Variants in FANCA observed in about 807,000 individuals in gnomAD.
FANCA encodes FA complementation group A.
In FANCA, 236 loss-of-function variants were observed where a neutral mutation model predicts 194.3. The ratio of observed to expected loss-of-function variants is 1.21; its 90% CI spans 1.09 to 1.35. The LOEUF (loss-of-function observed/expected upper bound fraction) is 1.35. Among genes scored for constraint, FANCA ranks in the 40% most tolerant of loss-of-function variants. FANCA has a pLI of 0.00. For missense variants in FANCA, 2,628 were observed against 1,813.9 expected (o/e 1.45, Z -8.15); for synonymous variants, 1,014 against 715.8 (o/e 1.42, Z -6.65).
Position 89,795,948 on chromosome 16 carries a change from G to C in FANCA, c.964C>G (p.His322Asp). 6.2e-7 allele frequency: 1 copy of C among 1,614,136 alleles called. No individual in the cohort carries two copies. Among genetic ancestry groups the C allele is most frequent in the Non-Finnish European group, 8.5e-7 (1 of 1,179,968 alleles). The stretch of plus-strand genomic sequence containing the variant: ...TGAGTGAGTATCTGAGTCAGGGTAT[G>C]ACTGAAGAACCTCTTCAGAGGATCT... ...STDPLKRFFSHTLTQILTHSP... is the reference protein window; with the variant it reads ...STDPLKRFFSDTLTQILTHSP... Residue 322 changes from histidine to aspartate, a missense_variant, in exon 11 of 43, where the codon CAT becomes GAT. Transcript: ENST00000389301.
chr16:89,744,860 C>T, intron 36 of FANCA, 99 bp downstream of exon 36: 1 of 1,109,906 alleles, frequency 9.0e-7, no homozygotes, highest in Non-Finnish European at 1.3e-6. Context: ...GCTGCCCACA[C>T]CGCTTCTCTC....
intron 29 of FANCA, among the ~76,000 whole-genome samples, chr16:89,760,280 G>C (rs1448663835): frequency 1.3e-5 from 2 of 152,228 alleles, no homozygotes; most frequent in African/African-American, 2.4e-5. Flanking sequence ...GGCACGACCT[G>C]AACCATCAGC....
chr16:89,761,947 A>AC lies in FANCA; in HGVS notation c.2852+1dup, dbSNP rs1424006580. ...GCCAGGGTAGCTCTTTTCAACACTTACCGTTCAGTATCTGAAAGAGCATCA... is the reference window on the plus strand; with the variant it reads ...GCCAGGGTAGCTCTTTTCAACACTTACCCGTTCAGTATCTGAAAGAGCATCA... On this transcript the variant is annotated splice_donor_variant, in intron 29 of 42. Transcript: ENST00000389301. LOFTEE classifies it high-confidence loss of function. 6.2e-7 allele frequency: 1 copy of AC among 1,613,082 alleles called. No homozygotes were observed. Among genetic ancestry groups the AC allele is most frequent in the Non-Finnish European group, 8.5e-7 (1 of 1,179,184 alleles).
rs570655434 is a variant in FANCA at position 89,781,501 on chromosome 16, A to G, written c.1626+1358T>C. On this transcript the variant is annotated intron_variant, in intron 17 of 42. Coordinates refer to ENST00000389301, the MANE Select transcript of FANCA (RefSeq NM_000135.4). The stretch of plus-strand genomic sequence containing the variant: ...ATCCTGGATAACATGGTGAAACCCC[A>G]TCTCTACTAAAAAAATACAAAAAAA... 1.6e-3 allele frequency among the ~76,000 whole-genome samples: 230 copies of G among 147,078 alleles called. 2 individuals carry two copies. The highest frequency in any genetic ancestry group is 0.012 in the South Asian group (54 of 4,682).
Position 89,775,726 on chromosome 16 carries a change from C to A in FANCA, c.1900+16G>T. 1 of 1,603,574 alleles carries A rather than the reference C, an allele frequency of 6.2e-7. No homozygotes were observed. Among genetic ancestry groups the A allele is most frequent in the Non-Finnish European group, 8.5e-7 (1 of 1,173,226 alleles). On this transcript the variant is annotated intron_variant, in intron 21 of 42. Coordinates refer to ENST00000389301, the MANE Select transcript of FANCA (RefSeq NM_000135.4). ...AAGCACAAGTCCCAGAGTGGACAAG[C>A]GGCCCAGGAACTTACCTTCTGGCTT...
intron 37 of FANCA, among the ~76,000 whole-genome samples, chr16:89,742,513 G>A (rs1188529307): frequency 6.6e-6 from 1 of 151,972 alleles, no homozygotes; most frequent in African/African-American, 2.4e-5. Flanking sequence ...GATAGTCAAA[G>A]TCTTACTCCA....
At chr16:89,796,352 C>T (rs1215533918) in intron 10 of FANCA, among the ~76,000 whole-genome samples, 3 of 152,126 alleles carry the variant, frequency 2.0e-5, no homozygotes, top group Non-Finnish European at 4.4e-5. Flanking sequence ...GAGTGGAGCC[C>T]CGGGAGCCAA....
At chr16:89,775,265 A>T (rs1054836124) in intron 21 of FANCA, among the ~76,000 whole-genome samples, 1 of 152,130 alleles carries the variant, frequency 6.6e-6, no homozygotes, top group Non-Finnish European at 1.5e-5. Context: ...CGGATTCCCA[A>T]TGAGGGCGTA....
intron 3 of FANCA, among the ~76,000 whole-genome samples, chr16:89,812,037 A>G (rs1202494558): frequency 6.7e-6 from 1 of 148,580 alleles, no homozygotes; most frequent in African/African-American, 2.5e-5. Context: ...GCCAAAATTA[A>G]TTGTTTAAAG....
At chr16:89,773,200 T>G (rs2039383086) in intron 22 of FANCA, 71 bp downstream of exon 22, 1 of 1,210,544 alleles carries the variant, frequency 8.3e-7, no homozygotes, top group Admixed American at 2.0e-5. Flanking sequence ...ATGGGGAAAA[T>G]GGCCCAGCCA....
chr16:89,782,853 C>G lies in FANCA; in HGVS notation c.1626+6G>C. 12 of 1,613,568 alleles carry G rather than the reference C, an allele frequency of 7.4e-6. No individual in the cohort carries two copies. Among genetic ancestry groups the G allele is most frequent in the Non-Finnish European group, 9.3e-6 (11 of 1,179,462 alleles). The stretch of plus-strand genomic sequence containing the variant: ...CTGAGACCCTGCAGGGCTCAAGCAA[C>G]ATTACCTCAGTAATGTCCCCAGCTG... On this transcript the variant is annotated splice_donor_region_variant and intron_variant, in intron 17 of 42. Transcript: ENST00000389301.
intron 30 of FANCA, among the ~76,000 whole-genome samples, chr16:89,754,047 C>T (rs943910796): frequency 6.6e-6 from 1 of 151,684 alleles, no homozygotes; most frequent in Non-Finnish European, 1.5e-5. Context: ...CAGCGACACT[C>T]TGTCTCAAAA....
chr16:89,813,817 T>TGTGA (rs2040998008), intron 3 of FANCA, among the ~76,000 whole-genome samples: 1 of 150,842 alleles, frequency 6.6e-6, no homozygotes, highest in South Asian at 2.1e-4. Flanking sequence ...TGTGTGTGTG[T>TGTGA]GTGTGTGTGT....
chr16:89,805,223 A>G (rs1279400721), intron 7 of FANCA, 57 bp downstream of exon 7: 3 of 1,349,544 alleles, frequency 2.2e-6, no homozygotes, highest in Non-Finnish European at 3.2e-6. Flanking sequence ...AGCAGAAGGC[A>G]TTATCACAGA....
chr16:89,739,927 A>C, intron 39 of FANCA, 67 bp downstream of exon 39: 1 of 1,604,904 alleles, frequency 6.2e-7, no homozygotes, highest in Non-Finnish European at 8.5e-7. Flanking sequence ...CTCGTTCTTA[A>C]CCATTTGCAA....
At chr16:89,767,868 T>G (rs1468150857) in intron 26 of FANCA, among the ~76,000 whole-genome samples, 1 of 152,166 alleles carries the variant, frequency 6.6e-6, no homozygotes, top group Admixed American at 6.5e-5. Context: ...TTTTTTTTAG[T>G]AGAGACGGGG....
chr16:89,767,231 A>C lies in FANCA; in HGVS notation c.2511T>G (p.Cys837Trp), dbSNP rs1254984761. Residue 837 changes from cysteine to tryptophan, a missense_variant, in exon 27 of 43, where the codon TGT becomes TGG. Physicochemically the swap from Cys to Trp is radical, Grantham distance 215 (BLOSUM62 -2). Coordinates refer to ENST00000389301, the MANE Select transcript of FANCA (RefSeq NM_000135.4). ...AGAGAGAGTAAGAAATTGCTGCTGTACAAAATCTGAAAACAGAAATTATAA... is the reference window on the plus strand; with the variant it reads ...AGAGAGAGTAAGAAATTGCTGCTGTCCAAAATCTGAAAACAGAAATTATAA... ...RDSLFFCLKF[C>W]TAAISYSLCK... The C allele has an allele frequency of 6.2e-7, 1 of 1,609,448 alleles. No individual in the cohort carries two copies. The highest frequency in any genetic ancestry group is 8.5e-7 in the Non-Finnish European group (1 of 1,175,994).
Position 89,739,278 on chromosome 16 carries a change from TAGG to T in FANCA, c.4019_4021del (p.Ser1340del). ...CCTGATGGCCGCGTCTTCATGGAAG[TAGG>T]AGAGAAGACTAGAGGTAAAGACATA... On this transcript the variant is annotated inframe_deletion, in exon 41 of 43. Coordinates refer to ENST00000389301, the MANE Select transcript of FANCA (RefSeq NM_000135.4). 1.2e-6 allele frequency: 2 copies of T among 1,614,068 alleles called. No individual in the cohort carries two copies. Among genetic ancestry groups the T allele is most frequent in the East Asian group, 2.2e-5 (1 of 44,886 alleles).
At chr16:89,782,810 C>A (rs749367615) in intron 17 of FANCA, 49 bp downstream of exon 17, 10 of 1,516,298 alleles carry the variant, frequency 6.6e-6, no homozygotes, top group Non-Finnish European at 9.2e-6. Flanking sequence ...TGGACCTTTG[C>A]ATGGTGGGCG....
Sources: gnomAD v4.1 joint callset for allele counts (sites outside exome capture counted in the v4.1 genomes callset) on GRCh38, gnomAD v4.1.1 for gene constraint, MANE v1.5 for transcripts, NCBI Gene and HGNC (gene_info 2026-07-23, HGNC 2026-07-21) for gene names.